The following DOCK1 variants were observed in gnomAD, a reference collection of about 807,000 sequenced individuals.
The protein encoded by DOCK1 is dedicator of cytokinesis 1.
In DOCK1, 138 loss-of-function variants were observed where a neutral mutation model predicts 262.7. The observed-to-expected ratio is 0.53, with a 90% CI of 0.46 to 0.61. The LOEUF (loss-of-function observed/expected upper bound fraction) is 0.61. DOCK1 is among the 20% of genes least tolerant of loss of function. DOCK1 has a pLI of 0.00. For synonymous variants in DOCK1, 866 were observed against 867.4 expected (o/e 1.00, Z 0.03); for missense variants, 1,908 against 2,370.7 (o/e 0.80, Z 4.05).
intron 43 of DOCK1, among the ~76,000 whole-genome samples, chr10:127,412,446 A>C (rs898783349): frequency 2.6e-5 from 4 of 152,072 alleles, no homozygotes; most frequent in Non-Finnish European, 5.9e-5. Context: ...TTAAAATGTT[A>C]ATGTTTATCC....
chr10:127,076,877 A>G (rs1416601606), intron 23 of DOCK1, among the ~76,000 whole-genome samples: 1 of 152,100 alleles, frequency 6.6e-6, no homozygotes, highest in South Asian at 2.1e-4. Context: ...GGGGTGCAGG[A>G]ATTCTTAAGC....
intron 43 of DOCK1, among the ~76,000 whole-genome samples, chr10:127,411,468 A>G (rs7922425): frequency 0.26 from 38,837 of 152,106 alleles, 5,248 homozygotes; most frequent in African/African-American, 0.33. Context: ...CATCCAGTGC[A>G]TCCAGGGATG....
At chr10:127,107,144 C>A (rs2048579991) in intron 24 of DOCK1, among the ~76,000 whole-genome samples, 1 of 151,770 alleles carries the variant, frequency 6.6e-6, no homozygotes, top group Admixed American at 6.6e-5. Flanking sequence ...GTCGTTTAAA[C>A]CCCAGACATT....
chr10:127,150,113 C>A (rs2052341951), intron 27 of DOCK1, among the ~76,000 whole-genome samples: 2 of 152,162 alleles, frequency 1.3e-5, no homozygotes, highest in Admixed American at 1.3e-4. Context: ...TTTGGAGACA[C>A]CCTCTGGCTC....
At chr10:127,153,401 C>G (rs368264124) in intron 27 of DOCK1, among the ~76,000 whole-genome samples, 1 of 152,142 alleles carries the variant, frequency 6.6e-6, no homozygotes, top group Non-Finnish European at 1.5e-5. Flanking sequence ...GACAGGCAGG[C>G]AGCACAATCC....
intron 29 of DOCK1, among the ~76,000 whole-genome samples, chr10:127,301,604 G>A (rs1160360918): frequency 1.2e-4 from 19 of 152,178 alleles, no homozygotes; most frequent in Admixed American, 1.1e-3. Flanking sequence ...ATGTATTATG[G>A]GCAAGGGTAT....
chr10:127,100,385 A>T lies in DOCK1; in HGVS notation c.2446-5846A>T, dbSNP rs973273033. Among the ~76,000 whole-genome samples the T allele has an allele frequency of 1.3e-5, 2 of 152,146 alleles. No homozygotes were observed. Among genetic ancestry groups the T allele is most frequent in the Non-Finnish European group, 2.9e-5 (2 of 68,016 alleles). ...CCGGTGTGATGCCCAGGCCTGTGGC[A>T]TGCAGCTGGGGCTTGGCGGTGCAGC... On this transcript the variant is annotated intron_variant, in intron 23 of 51. Transcript: ENST00000623213. The surrounding 1 kb of genome is among the most constrained non-coding windows in gnomAD (Gnocchi z 5.5).
At chr10:127,386,262 G>C (rs7069275) in intron 38 of DOCK1, among the ~76,000 whole-genome samples, 114,042 of 151,496 alleles carry the variant, frequency 0.75, 43,092 homozygotes, top group African/African-American at 0.83. Flanking sequence ...CCAAAGGCTG[G>C]TTGGAAATAA....
chr10:126,929,057 A>G (rs1355938193), intron 1 of DOCK1, among the ~76,000 whole-genome samples: 5 of 152,328 alleles, frequency 3.3e-5, no homozygotes, highest in Non-Finnish European at 7.3e-5. Flanking sequence ...CAGAGCTTCC[A>G]GCCGTGTTTA....
At chr10:126,916,113 G>A (rs1446964637) in intron 1 of DOCK1, among the ~76,000 whole-genome samples, 1 of 152,088 alleles carries the variant, frequency 6.6e-6, no homozygotes, top group Non-Finnish European at 1.5e-5. Context: ...CCTGGGTACA[G>A]CACTTAACTG....
At chr10:127,252,045 C>T (rs1485389148) in intron 28 of DOCK1, among the ~76,000 whole-genome samples, 3 of 151,348 alleles carry the variant, frequency 2.0e-5, no homozygotes, top group Non-Finnish European at 4.4e-5. Flanking sequence ...TCTCCAACAC[C>T]TGTTGTTTCC....
At position 127,100,751 on chromosome 10, in the gene DOCK1, A is replaced by G. The variant is rs962318414; in HGVS notation, c.2446-5480A>G. Among the ~76,000 whole-genome samples, 1 of 152,002 alleles carries G rather than the reference A, an allele frequency of 6.6e-6. No individual in the cohort carries two copies. The highest frequency in any genetic ancestry group is 2.4e-5 in the African/African-American group (1 of 41,402). ...GCGTGCCCCAGAGGTGAGGTGGCCA[A>G]AGTGTCATCAGAAAGGCCACTTGAG... On this transcript the variant is annotated intron_variant, in intron 23 of 51. Coordinates refer to ENST00000623213, the MANE Select transcript of DOCK1 (RefSeq NM_001290223.2). This position sits in a 1 kb window ranked among gnomAD's most constrained non-coding sequence, Gnocchi z 5.5.
chr10:127,433,381 C>G lies in DOCK1; in HGVS notation c.5013C>G (p.Val1671=). Residue 1671 remains valine, a synonymous_variant, in exon 48 of 52, where the codon GTC becomes GTG. Coordinates refer to ENST00000623213, the MANE Select transcript of DOCK1 (RefSeq NM_001290223.2). ...CCCGCCCTCTGTCTGTGGCCTCTGT[C>G]TCTTCCCTCTCATCGGACAGCACCC... ...SSSRPLSVAS[V]SSLSSDSTPS... The G allele has an allele frequency of 6.2e-7, 1 of 1,614,012 alleles. No individual in the cohort carries two copies. The highest frequency in any genetic ancestry group is 8.5e-7 in the Non-Finnish European group (1 of 1,179,900).
chr10:127,272,800 G>A (rs1434087737), intron 29 of DOCK1, among the ~76,000 whole-genome samples: 1 of 152,214 alleles, frequency 6.6e-6, no homozygotes, highest in Admixed American at 6.5e-5. Context: ...AGAAGGTGAA[G>A]GGCATGTCTC....
intron 23 of DOCK1, among the ~76,000 whole-genome samples, chr10:127,076,369 C>T (rs1006113541): frequency 7.9e-5 from 12 of 152,148 alleles, no homozygotes; most frequent in Non-Finnish European, 7.4e-5. Context: ...GGCGTGGTGG[C>T]TGGCGCCTGT....
At chr10:127,188,110 T>C (rs925992724) in intron 27 of DOCK1, among the ~76,000 whole-genome samples, 1 of 152,166 alleles carries the variant, frequency 6.6e-6, no homozygotes, top group African/African-American at 2.4e-5. Flanking sequence ...CATTTTTTTC[T>C]AGAATGAACC....
chr10:126,975,687 T>C (rs1250330761), intron 2 of DOCK1, among the ~76,000 whole-genome samples: 2 of 151,612 alleles, frequency 1.3e-5, no homozygotes, highest in Non-Finnish European at 2.9e-5. Flanking sequence ...TGCAGTGGCA[T>C]GATCTCAGCT....
rs80187881 is a variant in DOCK1, at chr10:126,921,755, C to T, written c.46+16192C>T. On this transcript the variant is annotated intron_variant, in intron 1 of 51. Coordinates refer to ENST00000623213, the MANE Select transcript of DOCK1 (RefSeq NM_001290223.2). ...GCAGCCTCCACCTCCTGGGTTCAAGCGATTCTCCTGCCTCAGCCTCCCGAG... is the reference window on the plus strand; with the variant it reads ...GCAGCCTCCACCTCCTGGGTTCAAGTGATTCTCCTGCCTCAGCCTCCCGAG... Among the ~76,000 whole-genome samples, 508 of 152,134 alleles carry T rather than the reference C, an allele frequency of 3.3e-3. 12 individuals carry two copies. The East Asian group carries it at 0.064, about 19-fold the overall frequency.
chr10:127,259,804 T>C (rs1322101794), intron 29 of DOCK1, among the ~76,000 whole-genome samples: 2 of 151,912 alleles, frequency 1.3e-5, no homozygotes, highest in Non-Finnish European at 2.9e-5. Flanking sequence ...TTTTTTTTTT[T>C]TTTATAATTG....
Sources: allele counts gnomAD v4.1 joint callset (sites outside exome capture counted in the v4.1 genomes callset), GRCh38; gene constraint gnomAD v4.1.1; non-coding constraint Gnocchi (gnomAD v3.1); transcripts MANE v1.5; gene names NCBI Gene and HGNC (gene_info 2026-07-23, HGNC 2026-07-21).